The following GPR107 variants were observed in gnomAD, a reference collection of about 807,000 sequenced individuals.
The protein encoded by GPR107 is G protein-coupled receptor 107, also known as protein GPR107.
In GPR107, 31 loss-of-function variants were observed where a neutral mutation model predicts 75.5. That is an observed-to-expected ratio of 0.41 (90% CI 0.31 to 0.55). The LOEUF is 0.55. GPR107 is among the 20% of genes least tolerant of loss of function. The pLI, the probability that GPR107 is intolerant of heterozygous loss-of-function variation, is 0.26. For synonymous variants in GPR107, 267 were observed against 251.3 expected (o/e 1.06, Z -0.59); for missense variants, 572 against 665.7 (o/e 0.86, Z 1.55).
In GPR107 at chr9:130,128,195, TA is replaced by T. The variant is rs1831731058; in HGVS notation, c.1441-444del. Among the ~76,000 whole-genome samples the T allele has an allele frequency of 2.0e-5, 3 of 152,366 alleles. No individual in the cohort carries two copies. In the South Asian group the frequency reaches 6.2e-4, roughly 32 times the overall value. On this transcript the variant is annotated intron_variant, in intron 16 of 17. Transcript: ENST00000347136. ...TTAGATGAGATGTGGTCCTTTCCTT[TA>T]GTTACAGGGCTGAGTAGTTAGAATT... is the stretch of plus-strand genomic sequence containing the variant.
intron 9 of GPR107, among the ~76,000 whole-genome samples, chr9:130,093,357 T>C (rs1025247601): frequency 5.9e-5 from 9 of 152,194 alleles, no homozygotes; most frequent in Admixed American, 5.9e-4. Context: ...GTATTTATTA[T>C]AAGGCTCATA....
chr9:130,121,218 A>G (rs1255918423), intron 14 of GPR107, among the ~76,000 whole-genome samples: 1 of 148,622 alleles, frequency 6.7e-6, no homozygotes, highest in African/African-American at 2.5e-5. Flanking sequence ...AAAACAAAAC[A>G]AAACCCTTCA....
At chr9:130,081,978 G>A (rs1233155440) in intron 5 of GPR107, among the ~76,000 whole-genome samples, 1 of 152,148 alleles carries the variant, frequency 6.6e-6, no homozygotes, top group Non-Finnish European at 1.5e-5. Context: ...CTCCTGGTGA[G>A]GGCCTCAGGA....
intron 3 of GPR107, 115 bp from the exon 4 acceptor site, chr9:130,077,184 C>T (rs939326922): frequency 4.8e-5 from 33 of 685,882 alleles, no homozygotes; most frequent in South Asian, 1.8e-4. Context: ...CCACGCCCAC[C>T]GGTTTACTAT....
At position 130,072,606 on chromosome 9, in the gene GPR107, C is replaced by T. The variant is rs541254692; in HGVS notation, c.142-3030C>T. Among the ~76,000 whole-genome samples the T allele has an allele frequency of 6.6e-5, 10 of 151,770 alleles. No homozygotes were observed. The East Asian group carries it at 9.7e-4, about 15-fold the overall frequency. ...ACTGCCATGAGCCATCGTGCCCAGC[C>T]GATGCTGTTTTTATTGTTTAAAATA... On this transcript the variant is annotated intron_variant, in intron 1 of 17. Coordinates refer to ENST00000347136, the MANE Select transcript of GPR107 (RefSeq NM_020960.5).
At chr9:130,104,680 G>A in intron 13 of GPR107, 130 bp downstream of exon 13, 2 of 744,176 alleles carry the variant, frequency 2.7e-6, no homozygotes, top group Non-Finnish European at 4.4e-6. Flanking sequence ...CTGAGTCCCA[G>A]ACTGACCTGA....
intron 15 of GPR107, among the ~76,000 whole-genome samples, chr9:130,126,056 C>CAAAA (rs569390895): frequency 1.8e-5 from 2 of 113,436 alleles, no homozygotes; most frequent in Non-Finnish European, 1.8e-5. Flanking sequence ...GACTCTGTCT[C>CAAAA]AAAAAAAAAA....
intron 1 of GPR107, among the ~76,000 whole-genome samples, chr9:130,066,711 C>T: frequency 6.6e-6 from 1 of 151,972 alleles, no homozygotes; most frequent in East Asian, 1.9e-4. Flanking sequence ...CTTGGCCGGG[C>T]GCGGTGGCTC....
intron 14 of GPR107, among the ~76,000 whole-genome samples, chr9:130,109,924 T>A (rs936690956): frequency 6.6e-6 from 1 of 152,250 alleles, no homozygotes. Context: ...TATTATCTTA[T>A]ACACTTCTGT....
intron 2 of GPR107, 52 bp downstream of exon 2, chr9:130,075,801 G>A (rs78098792): frequency 6.3e-5 from 29 of 458,034 alleles, no homozygotes; most frequent in Non-Finnish European, 1.0e-4. Flanking sequence ...TTTTTTTTTT[G>A]AGATGGAGTC....
chr9:130,069,534 T>G (rs1202811341), intron 1 of GPR107, among the ~76,000 whole-genome samples: 3 of 152,224 alleles, frequency 2.0e-5, no homozygotes, highest in African/African-American at 7.2e-5. Context: ...TCAAGATATC[T>G]ATGCCTCTAT....
intron 9 of GPR107, among the ~76,000 whole-genome samples, chr9:130,095,544 G>A (rs766549413): frequency 9.2e-5 from 14 of 152,198 alleles, no homozygotes; most frequent in African/African-American, 2.4e-4. Context: ...ACAGGCGTCC[G>A]CCACCATGCC....
intron 5 of GPR107, among the ~76,000 whole-genome samples, chr9:130,080,861 T>G (rs1830479946): frequency 1.3e-5 from 2 of 151,860 alleles, no homozygotes; most frequent in African/African-American, 4.8e-5. Context: ...CCAATTTATA[T>G]TCACCATTTT....
intron 1 of GPR107, among the ~76,000 whole-genome samples, chr9:130,074,053 G>A (rs532723332): frequency 2.0e-4 from 30 of 152,286 alleles, no homozygotes; most frequent in African/African-American, 6.3e-4. Flanking sequence ...CACCACGCCC[G>A]GCCGAGTCCT....
Position 130,090,966 on chromosome 9 carries a change from T to C in GPR107, c.712T>C (p.Phe238Leu), listed in dbSNP as rs754394756. 5.5e-6 allele frequency: 8 copies of C among 1,461,494 alleles called. No individual in the cohort carries two copies. The African/African-American group carries it at 1.1e-4, about 20-fold the overall frequency. The allele number at this position is 1,461,494 out of a possible 1,614,324, so 90.5% of individuals were successfully genotyped here. A position where few individuals can be genotyped will look rare whatever the true frequency, so the allele number is the denominator to read the frequency against. The change falls in exon 8 of 18, where the codon TTT becomes CTT. Residue 238 changes from phenylalanine to leucine, a missense_variant. Physicochemically the swap from Phe to Leu is conservative, Grantham distance 22. Coordinates refer to ENST00000347136, the MANE Select transcript of GPR107 (RefSeq NM_020960.5). The stretch of plus-strand genomic sequence containing the variant: ...TGGAAAAGAATTGCCAAGTGACAAG[T>C]TTACATTCAGCCTTGATGTGAGTAC... The part of the protein sequence containing the change: ...CLGKELPSDK[F>L]TFSLDIEITE...
At chr9:130,125,254 G>C (rs1180485859) in intron 15 of GPR107, among the ~76,000 whole-genome samples, 1 of 151,852 alleles carries the variant, frequency 6.6e-6, no homozygotes, top group East Asian at 1.9e-4. Context: ...GCTAATTTTT[G>C]TATTTTTAGT....
intron 1 of GPR107, among the ~76,000 whole-genome samples, chr9:130,054,796 T>C (rs573326024): frequency 6.6e-6 from 1 of 152,308 alleles, no homozygotes; most frequent in African/African-American, 2.4e-5. Context: ...TCTGGGAAAT[T>C]GTCCAGGTGC....
chr9:130,101,264 C>A, intron 12 of GPR107, 41 bp downstream of exon 12: 4 of 1,082,152 alleles, frequency 3.7e-6, no homozygotes, highest in Non-Finnish European at 4.3e-6. Flanking sequence ...CCTTTCTTGG[C>A]GCTTAGCAGG....
chr9:130,064,687 AAT>A (rs1434055561), intron 1 of GPR107, among the ~76,000 whole-genome samples: 1 of 152,162 alleles, frequency 6.6e-6, no homozygotes, highest in Non-Finnish European at 1.5e-5. Flanking sequence ...CCTTATTTGG[AAT>A]AGTGTCTTTG....
Sources: gnomAD v4.1 joint callset for allele counts (sites outside exome capture counted in the v4.1 genomes callset) on GRCh38, gnomAD v4.1.1 for gene constraint, MANE v1.5 for transcripts, NCBI Gene and HGNC (gene_info 2026-07-23, HGNC 2026-07-21) for gene names.